BET1: variants seen among roughly 807,000 people sequenced by gnomAD.
The protein encoded by BET1 is BET1 homolog.
Under a neutral mutation model 13.9 loss-of-function variants are expected in BET1, and 9 were observed. The ratio of observed to expected loss-of-function variants is 0.65; its 90% confidence interval spans 0.39 to 1.13. The LOEUF is 1.13. Ranked by LOEUF, BET1 falls within the 50% of genes most tolerant of loss-of-function variation. BET1 has a pLI of 0.01. For missense variants in BET1, 127 were observed against 133.6 expected (o/e 0.95, Z 0.24); for synonymous variants, 39 against 47.3 (o/e 0.82, Z 0.72).
At chr7:93,999,652 A>G (rs1795851417) in intron 1 of BET1, 1 of 457,756 alleles carries the variant, frequency 2.2e-6, no homozygotes, top group Admixed American at 2.3e-5. Context: ...CAGTAACATC[A>G]TCTACCCATT....
At chr7:93,983,675 T>C (rs2116074742) in intron 4 of BET1, among the ~76,000 whole-genome samples, 1 of 152,314 alleles carries the variant, frequency 6.6e-6, no homozygotes, top group East Asian at 1.9e-4. Flanking sequence ...ATATTTTCCT[T>C]GATTTCAGCC....
intron 6 of BET1, among the ~76,000 whole-genome samples, chr7:93,969,926 A>C (rs1352055413): frequency 6.6e-6 from 1 of 151,646 alleles, no homozygotes; most frequent in Non-Finnish European, 1.5e-5. Flanking sequence ...AATGTATACT[A>C]TTTGAAATCA....
At chr7:93,999,828 C>A (rs1795856669) in intron 1 of BET1, 1 of 391,848 alleles carries the variant, frequency 2.6e-6, no homozygotes. Context: ...GAAAGAGACA[C>A]AATAACTTAT....
Position 93,994,002 on chromosome 7 carries a change from C to T in BET1, c.*228G>A, listed in dbSNP as rs1795700016. The T allele has an allele frequency of 1.5e-5, 23 of 1,521,196 alleles. No homozygotes were observed. The highest frequency in any genetic ancestry group is 3.7e-5 in the South Asian group (3 of 80,640). 94.2% of individuals were successfully genotyped at this position (1,521,196 alleles called of 1,614,324 possible). A position where few individuals can be genotyped will look rare whatever the true frequency, so the allele number is the denominator to read the frequency against. On this transcript the variant is annotated 3_prime_UTR_variant, in exon 4 of 4. Coordinates refer to ENST00000222547, the MANE Select transcript of BET1 (RefSeq NM_005868.6). ...AACAAACTGGAAATTAGTGGAGCCA[C>T]ACCCTCTCACTACCCCTGAAAATAG...
chr7:93,993,820 A>G lies in BET1; in HGVS notation c.*410T>C. The G allele has an allele frequency of 7.8e-6, 12 of 1,529,542 alleles. No individual in the cohort carries two copies. The highest frequency in any genetic ancestry group is 1.4e-5 in the African/African-American group (1 of 72,834). 94.7% of individuals were successfully genotyped at this position (1,529,542 alleles called of 1,614,324 possible). A position where few individuals can be genotyped will look rare whatever the true frequency, so the allele number is the denominator to read the frequency against. On this transcript the variant is annotated 3_prime_UTR_variant, in exon 4 of 4. Transcript: ENST00000222547. The stretch of plus-strand genomic sequence containing the variant: ...AGGAAAATTCAATTACCATTTTACC[A>G]CAAACTGGCTGACTACTTCAAGAGC...
chr7:93,981,881 A>T (rs1260048586), intron 4 of BET1, among the ~76,000 whole-genome samples: 1 of 152,148 alleles, frequency 6.6e-6, no homozygotes, highest in Non-Finnish European at 1.5e-5. Flanking sequence ...ACGGCATTAA[A>T]CTATAAGACC....
Position 93,993,880 on chromosome 7 carries a change from C to T in BET1, c.*350G>A, listed in dbSNP as rs1795694797. On this transcript the variant is annotated 3_prime_UTR_variant, in exon 4 of 4. Coordinates refer to ENST00000222547, the MANE Select transcript of BET1 (RefSeq NM_005868.6). Reference sequence around the variant, plus strand: ...GGCTCTCCAGGCATTCTGTTACTCTCCCACTAAGTTTCCTTACATGGGACA... The same window carrying T: ...GGCTCTCCAGGCATTCTGTTACTCTTCCACTAAGTTTCCTTACATGGGACA... 6.5e-7 allele frequency: 1 copy of T among 1,535,704 alleles called. No homozygotes were observed. Among genetic ancestry groups the T allele is most frequent in the Non-Finnish European group, 8.7e-7 (1 of 1,146,786 alleles).
intron 6 of BET1, among the ~76,000 whole-genome samples, chr7:93,967,682 CT>C (rs1346823162): frequency 6.6e-6 from 1 of 151,690 alleles, no homozygotes; most frequent in Non-Finnish European, 1.5e-5. Flanking sequence ...TAAAAAATAT[CT>C]TGTACTGAAG....
chr7:93,977,554 A>C (rs1254854443), intron 4 of BET1, among the ~76,000 whole-genome samples: 2 of 152,132 alleles, frequency 1.3e-5, no homozygotes, highest in African/African-American at 4.8e-5. Flanking sequence ...TTAGAATAAA[A>C]ACCCTGTACT....
At chr7:93,976,034 A>T in exon 5 of BET1, 1 of 1,279,774 alleles carries the variant, frequency 7.8e-7, no homozygotes. Context: ...ATGCTGAGGA[A>T]CAGTCAAAAT....
chr7:93,978,379 T>C (rs1324722416), intron 4 of BET1, among the ~76,000 whole-genome samples: 1 of 152,190 alleles, frequency 6.6e-6, no homozygotes, highest in Non-Finnish European at 1.5e-5. Flanking sequence ...TGCAATCTCA[T>C]TTTTAAGTCT....
chr7:93,973,430 C>T (rs796719440), intron 5 of BET1, among the ~76,000 whole-genome samples: 106 of 151,976 alleles, frequency 7.0e-4, no homozygotes, highest in African/African-American at 2.4e-3. Context: ...CTCAGTTCCC[C>T]GAACTTTTTG....
rs778290433 is a variant in BET1, at chr7:93,999,284, T to C, written c.30A>G (p.Val10=). 6.2e-7 allele frequency: 1 copy of C among 1,610,574 alleles called. No individual in the cohort carries two copies. The highest frequency in any genetic ancestry group is 1.1e-5 in the South Asian group (1 of 90,214). The part of the protein sequence containing the change: MRRAGLGEG[V]PPGNYGNYGY... ...CATAGTTCCCATAGTTGCCAGGAGG[T>C]ACTCCTTCACCTGCAAGGATCAGAG... The change falls in exon 2 of 4, where the codon GTA becomes GTG. Residue 10 remains valine (V), a synonymous_variant. Coordinates refer to ENST00000222547, the MANE Select transcript of BET1 (RefSeq NM_005868.6).
At chr7:93,963,182 C>G (rs1795123944) in exon 7 of BET1, 1 of 151,788 alleles carries the variant, frequency 6.6e-6, no homozygotes, top group Admixed American at 6.6e-5. Flanking sequence ...AAAACTGAAA[C>G]TCTCTCCTGT....
chr7:93,996,724 T>C (rs1041755312), intron 2 of BET1, among the ~76,000 whole-genome samples: 6 of 149,508 alleles, frequency 4.0e-5, no homozygotes, highest in African/African-American at 9.7e-5. Flanking sequence ...ATTATATATA[T>C]ATATTTTAAC....
At chr7:93,967,380 G>T (rs1354908079) in intron 6 of BET1, among the ~76,000 whole-genome samples, 4 of 151,726 alleles carry the variant, frequency 2.6e-5, no homozygotes, top group African/African-American at 9.7e-5. Context: ...AGGCAATATT[G>T]TATTTAACTA....
At chr7:93,965,154 A>G (rs1214102087) in exon 7 of BET1, 1 of 152,062 alleles carries the variant, frequency 6.6e-6, no homozygotes, top group East Asian at 1.9e-4. Context: ...TGCCTCGTTC[A>G]CTGCTGGCCT....
At chr7:93,963,159 T>C (rs920800130) in exon 7 of BET1, 1 of 152,104 alleles carries the variant, frequency 6.6e-6, no homozygotes, top group African/African-American at 2.4e-5. Flanking sequence ...GTATTTTTTT[T>C]TCTTTTAAGA....
chr7:93,993,681 AGG>A lies in BET1; in HGVS notation c.*547_*548del, dbSNP rs1293391234. ...TGAGGTCTTTGGGCAGAAAGAAATGAGGGGTCATTATCATCAAAAATTATTAG... is the reference window on the plus strand; with the variant it reads ...TGAGGTCTTTGGGCAGAAAGAAATGAGGTCATTATCATCAAAAATTATTAG... On this transcript the variant is annotated 3_prime_UTR_variant, in exon 4 of 4. Transcript: ENST00000222547. 7.5e-7 allele frequency: 1 copy of A among 1,336,622 alleles called. No individual in the cohort carries two copies. The highest frequency in any genetic ancestry group is 2.8e-5 in the East Asian group (1 of 35,110). 82.8% of individuals were successfully genotyped at this position (1,336,622 alleles called of 1,614,324 possible). A position where few individuals can be genotyped will look rare whatever the true frequency, so the allele number is the denominator to read the frequency against.
Sources: allele counts gnomAD v4.1 joint callset (sites outside exome capture counted in the v4.1 genomes callset), GRCh38; gene constraint gnomAD v4.1.1; transcripts MANE v1.5; gene names NCBI Gene and HGNC (gene_info 2026-07-23, HGNC 2026-07-21).